Variants in NKAIN3 observed in about 807,000 individuals in gnomAD.
NKAIN3 encodes sodium/potassium transporting ATPase interacting 3, also known as sodium/potassium-transporting ATPase subunit beta-1-interacting protein 3.
In NKAIN3, 25 loss-of-function variants were observed where a neutral mutation model predicts 30.2. The ratio of observed to expected loss-of-function variants is 0.83; its 90% CI spans 0.60 to 1.16. The LOEUF is 1.16. Ranked by LOEUF, NKAIN3 falls within the 50% of genes most tolerant of loss-of-function variation. The pLI is 0.00. For synonymous variants in NKAIN3, 91 were observed against 89.6 expected (o/e 1.02, Z -0.09); for missense variants, 225 against 254.1 (o/e 0.89, Z 0.78).
In NKAIN3 at chr8:62,492,487, G is replaced by A. The variant is rs139421139; in HGVS notation, c.55-87052G>A. ...TGCCTATGTCCTACCTTATTGAATT[G>A]TTTTCTTCTTTATGTCAGCACTGAC... On this transcript the variant is annotated intron_variant, in intron 1 of 6. Coordinates refer to ENST00000623646, the MANE Select transcript of NKAIN3 (RefSeq NM_001304533.3). Among the ~76,000 whole-genome samples, 844 of 152,102 alleles carry A rather than the reference G, an allele frequency of 5.5e-3. 28 individuals are homozygous for A. The highest frequency in any genetic ancestry group is 9.3e-4 in the Non-Finnish European group (63 of 67,936).
At chr8:62,931,718 G>A (rs746069516) in intron 5 of NKAIN3, among the ~76,000 whole-genome samples, 13 of 152,072 alleles carry the variant, frequency 8.5e-5, no homozygotes, top group Non-Finnish European at 1.5e-4. Flanking sequence ...AATCTAGCAG[G>A]CCACAGCTAC....
chr8:62,262,819 A>G (rs1425060888), intron 1 of NKAIN3, among the ~76,000 whole-genome samples: 1 of 152,202 alleles, frequency 6.6e-6, no homozygotes, highest in Admixed American at 6.5e-5. Flanking sequence ...GTCATCTATT[A>G]TTAATATGTT....
At chr8:62,688,116 T>C (rs1170732790) in intron 3 of NKAIN3, among the ~76,000 whole-genome samples, 1 of 152,212 alleles carries the variant, frequency 6.6e-6, no homozygotes, top group East Asian at 1.9e-4. Context: ...ACAGATTCCA[T>C]AATTTCAGTG....
intron 1 of NKAIN3, among the ~76,000 whole-genome samples, chr8:62,359,614 T>C (rs575704677): frequency 6.6e-6 from 1 of 152,308 alleles, no homozygotes; most frequent in East Asian, 1.9e-4. Flanking sequence ...CACCAACAGA[T>C]AGCTCATTCC....
intron 1 of NKAIN3, among the ~76,000 whole-genome samples, chr8:62,377,281 A>G (rs1047952136): frequency 2.0e-5 from 3 of 152,206 alleles, no homozygotes; most frequent in African/African-American, 4.8e-5. Flanking sequence ...TTTCATATAC[A>G]TAAACACAGC....
At chr8:62,679,656 A>G (rs1813591863) in intron 3 of NKAIN3, among the ~76,000 whole-genome samples, 1 of 152,182 alleles carries the variant, frequency 6.6e-6, no homozygotes. Context: ...CACATCTTAC[A>G]TGGCCAGAGC....
At chr8:62,727,877 G>A (rs1481979964) in intron 3 of NKAIN3, among the ~76,000 whole-genome samples, 4 of 152,018 alleles carry the variant, frequency 2.6e-5, no homozygotes, top group Admixed American at 1.3e-4. Context: ...CTGTTTTATT[G>A]AGGTGTAATT....
intron 3 of NKAIN3, among the ~76,000 whole-genome samples, chr8:62,592,255 G>A (rs1267608570): frequency 2.0e-5 from 3 of 151,980 alleles, no homozygotes; most frequent in Non-Finnish European, 4.4e-5. Context: ...GAAAGATAGT[G>A]AGCTGTCTCA....
chr8:62,420,176 G>A (rs1349558), intron 1 of NKAIN3, among the ~76,000 whole-genome samples: 23,362 of 152,042 alleles, frequency 0.15, 2,037 homozygotes, highest in East Asian at 0.41. Flanking sequence ...TATGAGTCAC[G>A]TGTGTGAGAA....
chr8:62,251,383 G>C (rs1812098522), intron 1 of NKAIN3, among the ~76,000 whole-genome samples: 1 of 151,970 alleles, frequency 6.6e-6, no homozygotes, highest in Admixed American at 6.6e-5. Context: ...AGTAAAATAT[G>C]TAATAGTCTT....
At chr8:62,868,923 A>C (rs1340572615) in intron 4 of NKAIN3, among the ~76,000 whole-genome samples, 1 of 152,130 alleles carries the variant, frequency 6.6e-6, no homozygotes, top group Non-Finnish European at 1.5e-5. Context: ...TGCTCACAGC[A>C]GAGACAGGAG....
At chr8:62,856,757 AC>A in intron 4 of NKAIN3, 1 of 674,152 alleles carries the variant, frequency 1.5e-6, no homozygotes, top group Admixed American at 2.3e-5. Context: ...TTTATTTTGC[AC>A]CTGGCTTATC....
intron 4 of NKAIN3, among the ~76,000 whole-genome samples, chr8:62,798,918 G>A (rs1285554560): frequency 1.3e-5 from 2 of 152,094 alleles, no homozygotes; most frequent in Non-Finnish European, 1.5e-5. Flanking sequence ...GGAAGAACTG[G>A]ACTATAATGC....
chr8:62,408,418 T>TG (rs1804142803), intron 1 of NKAIN3, among the ~76,000 whole-genome samples: 1 of 152,174 alleles, frequency 6.6e-6, no homozygotes, highest in Non-Finnish European at 1.5e-5. Context: ...CTCTCACCTG[T>TG]AGAGTATGAC....
chr8:62,609,139 A>T (rs879372635), intron 3 of NKAIN3, among the ~76,000 whole-genome samples: 2 of 152,124 alleles, frequency 1.3e-5, no homozygotes, highest in African/African-American at 2.4e-5. Context: ...CTTTACCTTT[A>T]GAAACTCCCT....
chr8:62,719,584 GT>G (rs1318077739), intron 3 of NKAIN3, among the ~76,000 whole-genome samples: 1 of 151,986 alleles, frequency 6.6e-6, no homozygotes, highest in East Asian at 1.9e-4. Flanking sequence ...CTGAGATTTT[GT>G]TTGGCTTTTT....
chr8:62,967,415 C>A lies in NKAIN3; in HGVS notation c.*2008C>A, dbSNP rs1348864458. 6.6e-6 allele frequency among the ~76,000 whole-genome samples: 1 copy of A among 152,022 alleles called. No individual in the cohort carries two copies. The highest frequency in any genetic ancestry group is 1.5e-5 in the Non-Finnish European group (1 of 68,004). ...ATTTAACGAAAAATGTAAAAAAATT[C>A]TCAGTACACAGTGAAGCACTCCACA... is the stretch of plus-strand genomic sequence containing the variant. On this transcript the variant is annotated 3_prime_UTR_variant, in exon 7 of 7. Transcript: ENST00000623646.
chr8:62,345,448 C>CATATAT (rs1815929708), intron 1 of NKAIN3, among the ~76,000 whole-genome samples: 3 of 111,994 alleles, frequency 2.7e-5, no homozygotes, highest in Non-Finnish European at 5.4e-5. Flanking sequence ...TATATATACA[C>CATATAT]ACATATGTAT....
chr8:62,327,915 G>T (rs557086594), intron 1 of NKAIN3, among the ~76,000 whole-genome samples: 2 of 151,936 alleles, frequency 1.3e-5, no homozygotes, highest in Non-Finnish European at 2.9e-5. Flanking sequence ...ATGAACATGG[G>T]ATCTCTTTCC....
Sources: allele counts gnomAD v4.1 joint callset (sites outside exome capture counted in the v4.1 genomes callset), GRCh38; gene constraint gnomAD v4.1.1; transcripts MANE v1.5; gene names NCBI Gene and HGNC (gene_info 2026-07-23, HGNC 2026-07-21).